The following PDE4A variants were observed in gnomAD, a reference collection of about 807,000 sequenced individuals.
The protein encoded by PDE4A is 3',5'-cyclic-AMP phosphodiesterase 4A.
In PDE4A, 21 loss-of-function variants were observed where a neutral mutation model predicts 73.9. That is an observed-to-expected ratio of 0.28 (90% CI 0.20 to 0.41). The LOEUF is 0.41. Ranked by LOEUF, PDE4A falls within the 10% of genes least tolerant of loss-of-function variation. The pLI is 1.00. For missense variants in PDE4A, 958 were observed against 1,211.4 expected, an observed-to-expected ratio of 0.79 and a Z score of 3.10; for synonymous variants, 463 against 505.4, an observed-to-expected ratio of 0.92 and a Z score of 1.13.
intron 1 of PDE4A, chr19:10,427,568 A>G (rs1346609886): frequency 3.0e-6 from 3 of 985,306 alleles, no homozygotes; most frequent in East Asian, 2.3e-4. Flanking sequence ...GGACGGGACA[A>G]GCATCATTGG....
chr19:10,419,150 AG>A (rs1266675205), upstream of PDE4A: 1 of 910,188 alleles, frequency 1.1e-6, no homozygotes, highest in African/African-American at 2.2e-5. Context: ...AGCCCGTGAC[AG>A]GGGGCGCACG....
intron 1 of PDE4A, among the ~76,000 whole-genome samples, chr19:10,433,085 T>C (rs946401021): frequency 6.6e-6 from 1 of 152,090 alleles, no homozygotes; most frequent in African/African-American, 2.4e-5. Flanking sequence ...GGGCTGTGAG[T>C]GGCCTTTAAG....
chr19:10,441,182 A>C (rs1177224005), intron 1 of PDE4A, among the ~76,000 whole-genome samples: 1 of 152,130 alleles, frequency 6.6e-6, no homozygotes, highest in Non-Finnish European at 1.5e-5. Flanking sequence ...CTGCAGGCAC[A>C]CACTGCCATG....
chr19:10,460,908 C>T, intron 10 of PDE4A, 96 bp from the exon 11 acceptor site: 1 of 1,353,050 alleles, frequency 7.4e-7, no homozygotes, highest in Non-Finnish European at 1.0e-6. Context: ...AAGTGATCCT[C>T]CCATCTCAGC....
intron 6 of PDE4A, among the ~76,000 whole-genome samples, chr19:10,454,320 G>A (rs550204334): frequency 5.9e-5 from 9 of 152,346 alleles, no homozygotes; most frequent in South Asian, 2.1e-4. Context: ...TGGAGGCCAG[G>A]AGCCAGGACC....
At chr19:10,429,749 A>G (rs963581061) in intron 1 of PDE4A, among the ~76,000 whole-genome samples, 40 of 151,908 alleles carry the variant, frequency 2.6e-4, no homozygotes, top group African/African-American at 9.4e-4. Flanking sequence ...AGGGTGTGAG[A>G]CTGTCTTAGG....
In PDE4A at chr19:10,453,419, G is replaced by A; in HGVS notation, c.784-1410G>A. The stretch of plus-strand genomic sequence containing the variant: ...GTGTGTGCAGCTGTGCACGTGTGTG[G>A]CCTGGAGATGAAGCCTTGTGACTGT... On this transcript the variant is annotated intron_variant, in intron 6 of 14. Coordinates refer to ENST00000380702, the MANE Select transcript of PDE4A (RefSeq NM_001111307.2). This position sits in a 1 kb window ranked among gnomAD's most constrained non-coding sequence, Gnocchi z 4.6. The A allele has an allele frequency of 7.0e-7, 1 of 1,437,818 alleles. No individual in the cohort carries two copies. Among genetic ancestry groups the A allele is most frequent in the Non-Finnish European group, 9.3e-7 (1 of 1,073,740 alleles). 89.1% of individuals were successfully genotyped at this position (1,437,818 alleles called of 1,614,324 possible).
intron 10 of PDE4A, 32 bp downstream of exon 10, chr19:10,459,791 ATC>A (rs1555734571): frequency 1.3e-6 from 2 of 1,555,870 alleles, no homozygotes; most frequent in Non-Finnish European, 8.7e-7. Flanking sequence ...GACCGTCCCC[ATC>A]TCTCTTTGTG....
intron 1 of PDE4A, among the ~76,000 whole-genome samples, chr19:10,438,229 C>T (rs1039563175): frequency 6.6e-6 from 1 of 152,032 alleles, no homozygotes; most frequent in Non-Finnish European, 1.5e-5. Context: ...TCTCGTGCCT[C>T]AGCCTCCTGA....
intron 13 of PDE4A, 63 bp downstream of exon 13, chr19:10,462,062 G>A (rs1486844151): frequency 7.2e-7 from 1 of 1,390,000 alleles, no homozygotes; most frequent in Non-Finnish European, 1.0e-6. Context: ...TTTAGGTCTG[G>A]GTAGCTAACT....
Position 10,458,214 on chromosome 19 carries a change from A to G in PDE4A, c.1101+112A>G, listed in dbSNP as rs2043203313. 9 of 1,010,500 alleles carry G rather than the reference A, an allele frequency of 8.9e-6. No homozygotes were observed. The East Asian group carries it at 2.2e-4, about 25-fold the overall frequency. 62.6% of individuals were successfully genotyped at this position (1,010,500 alleles called of 1,614,324 possible). On this transcript the variant is annotated intron_variant, in intron 8 of 14. Coordinates refer to ENST00000380702, the MANE Select transcript of PDE4A (RefSeq NM_001111307.2). The surrounding 1 kb of genome is among the most constrained non-coding windows in gnomAD (Gnocchi z 4.6). ...CCAGGTTTCCCAGAAGCAGAGCTTG[A>G]GATGAGGGTTTGAGCCCATCTTGAG...
At chr19:10,432,475 C>G in intron 1 of PDE4A, 1 of 1,501,644 alleles carries the variant, frequency 6.7e-7, no homozygotes, top group South Asian at 1.3e-5. Context: ...CCCCGGCCCC[C>G]TGCCCTGGCA....
chr19:10,423,583 A>G (rs2042678567), intron 1 of PDE4A, among the ~76,000 whole-genome samples: 1 of 151,972 alleles, frequency 6.6e-6, no homozygotes, highest in South Asian at 2.1e-4. Flanking sequence ...CTGAGCCTTA[A>G]TTTTCCAGTC....
intron 1 of PDE4A, among the ~76,000 whole-genome samples, chr19:10,431,296 C>T (rs1279358287): frequency 2.0e-5 from 3 of 152,252 alleles, no homozygotes; most frequent in African/African-American, 7.2e-5. Flanking sequence ...ATCCTTCCCA[C>T]TTCCTGTGCA....
intron 1 of PDE4A, chr19:10,431,206 C>G (rs1392303471): frequency 1.5e-6 from 1 of 685,528 alleles, no homozygotes; most frequent in Non-Finnish European, 2.2e-6. Flanking sequence ...CACATAGCAG[C>G]GATCAAAATC....
At chr19:10,417,677 C>G (rs1907974956), upstream of PDE4A, 23 of 1,594,948 alleles carry the variant, frequency 1.4e-5, no homozygotes, top group Non-Finnish European at 1.9e-5. Flanking sequence ...GGGAGACCCC[C>G]GAATCCGACC....
In PDE4A at chr19:10,466,760, C is replaced by T. The variant is rs1350674985; in HGVS notation, c.1927-127C>T. On this transcript the variant is annotated intron_variant, in intron 14 of 14. Transcript: ENST00000380702. ...CCGACTGCCTCAGCCTCCCAAAGTG[C>T]TGGGATTATAGACATGAGCCACCAT... The T allele has an allele frequency of 4.9e-6, 7 of 1,427,950 alleles. No individual in the cohort carries two copies. The Admixed American group carries it at 6.6e-5, about 13-fold the overall frequency. The allele number at this position is 1,427,950 out of a possible 1,614,324, so 88.5% of individuals were successfully genotyped here. A position where few individuals can be genotyped will look rare whatever the true frequency, so the allele number is the denominator to read the frequency against.
At chr19:10,448,192 C>T (rs1220798465) in intron 2 of PDE4A, among the ~76,000 whole-genome samples, 2 of 151,146 alleles carry the variant, frequency 1.3e-5, no homozygotes, top group Non-Finnish European at 2.9e-5. Flanking sequence ...CTCTGCCTCC[C>T]GGGTTCAAGG....
At position 10,453,098 on chromosome 19, in the gene PDE4A, G is replaced by A. The variant is rs1599440226; in HGVS notation, c.784-1731G>A. 9.7e-6 allele frequency: 13 copies of A among 1,343,162 alleles called. No individual in the cohort carries two copies. The highest frequency in any genetic ancestry group is 3.1e-5 in the East Asian group (1 of 32,578). 83.2% of individuals were successfully genotyped at this position (1,343,162 alleles called of 1,614,324 possible). On this transcript the variant is annotated intron_variant, in intron 6 of 14. Coordinates refer to ENST00000380702, the MANE Select transcript of PDE4A (RefSeq NM_001111307.2). This position sits in a 1 kb window ranked among gnomAD's most constrained non-coding sequence, Gnocchi z 4.6. ...TAACCAGGGCTGCTGCTGGGAGCGC[G>A]GAGGGGAAGGGAGCCCCCAGCCCTG... is the stretch of plus-strand genomic sequence containing the variant.
Sources: gnomAD v4.1 joint callset for allele counts (sites outside exome capture counted in the v4.1 genomes callset) on GRCh38, gnomAD v4.1.1 for gene constraint, Gnocchi (gnomAD v3.1) non-coding constraint, MANE v1.5 for transcripts, NCBI Gene and HGNC (gene_info 2026-07-23, HGNC 2026-07-21) for gene names.